DDAH1: variants seen among roughly 807,000 people sequenced by gnomAD.
The protein encoded by DDAH1 is dimethylarginine dimethylaminohydrolase 1, also known as N(G),N(G)-dimethylarginine dimethylaminohydrolase 1.
In DDAH1, 19 loss-of-function variants were observed where a neutral mutation model predicts 28.8. The observed-to-expected ratio is 0.66, with a 90% CI of 0.46 to 0.97. The LOEUF (loss-of-function observed/expected upper bound fraction) is 0.97, where lower values mean the gene tolerates loss of function less well. Among genes scored for constraint, DDAH1 ranks in the 50% least tolerant of loss-of-function variants. DDAH1 has a pLI of 0.00. For synonymous variants in DDAH1, 153 were observed against 154.4 expected (o/e 0.99, Z 0.07); for missense variants, 326 against 375.9 (o/e 0.87, Z 1.10).
At chr1:85,495,003 A>G (rs983984824) in intron 2 of DDAH1, 6 of 152,116 alleles carry the variant, frequency 3.9e-5, no homozygotes, top group Non-Finnish European at 8.8e-5. Flanking sequence ...TTTCCCATAC[A>G]ATGTCCTGCT....
chr1:85,454,235 G>A (rs572535506), intron 1 of DDAH1, among the ~76,000 whole-genome samples: 1 of 152,212 alleles, frequency 6.6e-6, no homozygotes, highest in East Asian at 1.9e-4. Context: ...AAGAAGGAAA[G>A]GTAGAATCAG....
At chr1:85,434,100 ACT>A (rs1240647998) in intron 1 of DDAH1, among the ~76,000 whole-genome samples, 2 of 152,114 alleles carry the variant, frequency 1.3e-5, no homozygotes, top group Non-Finnish European at 2.9e-5. Flanking sequence ...TTCCACTTAC[ACT>A]GTTTCCCTCA....
At chr1:85,476,384 C>T (rs181801474) in intron 2 of DDAH1, among the ~76,000 whole-genome samples, 2 of 152,336 alleles carry the variant, frequency 1.3e-5, no homozygotes, top group African/African-American at 4.8e-5. Context: ...GCTTGTGTCT[C>T]TGATCCACAT....
chr1:85,397,894 A>G (rs927922574), intron 1 of DDAH1, among the ~76,000 whole-genome samples: 3 of 152,124 alleles, frequency 2.0e-5, no homozygotes, highest in Non-Finnish European at 2.9e-5. Context: ...GCCTCCTACC[A>G]TAAGTAAAAG....
rs1048922493 is a variant in DDAH1 at position 85,327,323 on chromosome 1, C to T, written c.598-2440G>A. ...AGCCACAGATAATCTGTCTTGGAGT[C>T]TAATCCTTAGTCTTAAAAACCATAA... is the stretch of plus-strand genomic sequence containing the variant. On this transcript the variant is annotated intron_variant, in intron 4 of 5. Coordinates refer to ENST00000284031, the MANE Select transcript of DDAH1 (RefSeq NM_012137.4). Among the ~76,000 whole-genome samples the T allele has an allele frequency of 3.9e-5, 6 of 152,180 alleles. No individual in the cohort carries two copies. The East Asian group carries it at 1.2e-3, about 29-fold the overall frequency.
At chr1:85,485,066 A>G (rs1242913093) in intron 2 of DDAH1, among the ~76,000 whole-genome samples, 1 of 152,302 alleles carries the variant, frequency 6.6e-6, no homozygotes, top group Middle Eastern at 3.4e-3. Flanking sequence ...CTCACATTAC[A>G]TCAGCATGCT....
At chr1:85,378,254 A>C (rs1207317221) in intron 1 of DDAH1, among the ~76,000 whole-genome samples, 1 of 152,196 alleles carries the variant, frequency 6.6e-6, no homozygotes, top group Non-Finnish European at 1.5e-5. Flanking sequence ...AATATGCCAA[A>C]ACGAAAATCT....
At chr1:85,322,639 GC>G (rs2100782715) in intron 5 of DDAH1, among the ~76,000 whole-genome samples, 1 of 152,258 alleles carries the variant, frequency 6.6e-6, no homozygotes, top group Non-Finnish European at 1.5e-5. Context: ...TTCCCTCTGA[GC>G]CTCGGTTTAC....
At chr1:85,557,108 C>G (rs556119329) in intron 1 of DDAH1, among the ~76,000 whole-genome samples, 100 of 152,298 alleles carry the variant, frequency 6.6e-4, no homozygotes, top group African/African-American at 2.4e-3. Context: ...CAGAGCGAGA[C>G]TCTGTCTCAA....
rs930356194 is a variant in DDAH1 at position 85,359,587 on chromosome 1, T to C, written c.304-740A>G. On this transcript the variant is annotated intron_variant, in intron 1 of 5. Transcript: ENST00000284031. ...ACTCGTAATTTGAAATCTCAACCCATAGGACAATCACTGTTTTCTATTCAA... is the reference window on the plus strand; with the variant it reads ...ACTCGTAATTTGAAATCTCAACCCACAGGACAATCACTGTTTTCTATTCAA... Among the ~76,000 whole-genome samples, 4 of 152,210 alleles carry C rather than the reference T, an allele frequency of 2.6e-5. No individual in the cohort carries two copies. In the East Asian group the frequency reaches 5.8e-4, roughly 22 times the overall value.
At position 85,380,652 on chromosome 1, in the gene DDAH1, C is replaced by T. The variant is rs970716344; in HGVS notation, c.304-21805G>A. On this transcript the variant is annotated intron_variant, in intron 1 of 5. Coordinates refer to ENST00000284031, the MANE Select transcript of DDAH1 (RefSeq NM_012137.4). ...GTCTCTTATTTACAATTCTGAAAGC[C>T]CAAAGTTCTGAAAACCAAGGGTATT... The T allele has an allele frequency of 3.3e-5, 5 of 152,082 alleles. No homozygotes were observed. The East Asian group carries it at 5.8e-4, about 18-fold the overall frequency. 9.4% of individuals were successfully genotyped at this position (152,082 alleles called of 1,614,324 possible).
At position 85,392,806 on chromosome 1, in the gene DDAH1, A is replaced by G. The variant is rs868405187; in HGVS notation, c.304-33959T>C. Reference sequence around the variant, plus strand: ...GACTCTGTCTAAAAAAAAAAAAAAAAAAAAAAAAAAAGAAAGAAAATGAAC... The same window carrying G: ...GACTCTGTCTAAAAAAAAAAAAAAAGAAAAAAAAAAAGAAAGAAAATGAAC... On this transcript the variant is annotated intron_variant, in intron 1 of 5. Coordinates refer to ENST00000284031, the MANE Select transcript of DDAH1 (RefSeq NM_012137.4). Among the ~76,000 whole-genome samples, 184 of 150,754 alleles carry G rather than the reference A, an allele frequency of 1.2e-3. 2 individuals carry two copies. The highest frequency in any genetic ancestry group is 3.8e-3 in the African/African-American group (157 of 40,862).
intron 1 of DDAH1, among the ~76,000 whole-genome samples, chr1:85,562,031 C>T (rs1432389714): frequency 6.6e-6 from 1 of 152,174 alleles, no homozygotes; most frequent in Non-Finnish European, 1.5e-5. Context: ...CCAGAATTGA[C>T]TACACATTTT....
At chr1:85,556,205 A>G (rs1427591274) in intron 1 of DDAH1, among the ~76,000 whole-genome samples, 1 of 151,780 alleles carries the variant, frequency 6.6e-6, no homozygotes, top group African/African-American at 2.4e-5. Context: ...GTTCCTCATT[A>G]CTGCTGGTTC....
intron 1 of DDAH1, among the ~76,000 whole-genome samples, chr1:85,452,577 G>A (rs535520140): frequency 2.2e-4 from 33 of 151,296 alleles, no homozygotes; most frequent in African/African-American, 6.3e-4. Flanking sequence ...GTAATTTTAC[G>A]ATCCACTTAC....
intron 1 of DDAH1, among the ~76,000 whole-genome samples, chr1:85,511,891 T>G (rs1171380465): frequency 6.6e-6 from 1 of 152,170 alleles, no homozygotes; most frequent in African/African-American, 2.4e-5. Context: ...CAGGACCAGA[T>G]GGATTCACAG....
chr1:85,475,098 TTCAAAGGAGCCCTTTGC>T (rs931454831), intron 2 of DDAH1, among the ~76,000 whole-genome samples: 2 of 152,228 alleles, frequency 1.3e-5, no homozygotes, highest in Non-Finnish European at 2.9e-5. Flanking sequence ...GAGCCCTTTG[TTCAAAGGAGCCCTTTGC>T]TCAAATGCTG....
chr1:85,378,852 T>C (rs1243848034), intron 1 of DDAH1, among the ~76,000 whole-genome samples: 1 of 152,210 alleles, frequency 6.6e-6, no homozygotes, highest in Non-Finnish European at 1.5e-5. Flanking sequence ...ACACTGTACA[T>C]TTATCTGAAA....
intron 1 of DDAH1, among the ~76,000 whole-genome samples, chr1:85,371,167 A>C (rs1266979215): frequency 1.3e-5 from 2 of 152,210 alleles, no homozygotes; most frequent in Admixed American, 1.3e-4. Context: ...CTTAACGTAC[A>C]TTCATTATGA....
Sources: gnomAD v4.1 joint callset for allele counts (sites outside exome capture counted in the v4.1 genomes callset) on GRCh38, gnomAD v4.1.1 for gene constraint, MANE v1.5 for transcripts, NCBI Gene and HGNC (gene_info 2026-07-23, HGNC 2026-07-21) for gene names.